ZNF804B: variants seen among roughly 807,000 people sequenced by gnomAD.
The protein encoded by ZNF804B is zinc finger 804B.
Under a neutral mutation model 101.4 loss-of-function variants are expected in ZNF804B, and 80 were observed. That is an observed-to-expected ratio of 0.79 (90% confidence interval 0.66 to 0.95). ZNF804B has a LOEUF of 0.95. ZNF804B is among the 40% of genes least tolerant of loss of function. The pLI is 0.00. For missense variants in ZNF804B, 1,673 were observed against 1,561.9 expected, an observed-to-expected ratio of 1.07 and a Z score of -1.20; for synonymous variants, 622 against 558.8, an observed-to-expected ratio of 1.11 and a Z score of -1.59.
intron 1 of ZNF804B, among the ~76,000 whole-genome samples, chr7:89,005,442 T>G (rs1788359292): frequency 6.6e-6 from 1 of 152,090 alleles, no homozygotes; most frequent in Non-Finnish European, 1.5e-5. Context: ...AATACTACTG[T>G]GTATGTAGAT....
At chr7:88,970,451 A>G (rs1248328288) in intron 1 of ZNF804B, among the ~76,000 whole-genome samples, 2 of 151,154 alleles carry the variant, frequency 1.3e-5, no homozygotes, top group Non-Finnish European at 3.0e-5. Context: ...CAAACATTTT[A>G]TAATAAGTAA....
chr7:88,845,766 T>G (rs552509735), intron 1 of ZNF804B, among the ~76,000 whole-genome samples: 23 of 152,194 alleles, frequency 1.5e-4, no homozygotes, highest in Non-Finnish European at 2.5e-4. Context: ...ACAAGAACTT[T>G]CCAGTTTGCA....
chr7:89,153,356 A>T (rs531562426), intron 1 of ZNF804B, among the ~76,000 whole-genome samples: 2 of 151,478 alleles, frequency 1.3e-5, no homozygotes, highest in Non-Finnish European at 2.9e-5. Flanking sequence ...TTCTTGTGGC[A>T]GTCAGGGACC....
intron 1 of ZNF804B, among the ~76,000 whole-genome samples, chr7:88,761,636 G>T (rs560186428): frequency 6.6e-6 from 1 of 152,176 alleles, no homozygotes; most frequent in Admixed American, 6.5e-5. Flanking sequence ...TTTCTCACAG[G>T]TATTATTTTT....
At position 88,812,023 on chromosome 7, in the gene ZNF804B, G is replaced by A. The variant is rs140035936; in HGVS notation, c.108+51939G>A. ...CATATACCATGTAATATCTTTTGTC[G>A]ATAAATTCTCATATACACTGGAAAT... is the stretch of plus-strand genomic sequence containing the variant. On this transcript the variant is annotated intron_variant, in intron 1 of 3. Transcript: ENST00000333190. 7.2e-5 allele frequency among the ~76,000 whole-genome samples: 11 copies of A among 152,118 alleles called. No individual in the cohort carries two copies. The South Asian group carries it at 2.3e-3, about 32-fold the overall frequency.
intron 1 of ZNF804B, among the ~76,000 whole-genome samples, chr7:88,809,918 C>G (rs368343144): frequency 4.6e-5 from 7 of 152,168 alleles, no homozygotes; most frequent in Admixed American, 2.0e-4. Context: ...TAGCGATGGA[C>G]CAACCTGAGA....
intron 1 of ZNF804B, among the ~76,000 whole-genome samples, chr7:88,906,121 A>G (rs1164038060): frequency 2.0e-5 from 3 of 151,466 alleles, no homozygotes; most frequent in Non-Finnish European, 4.4e-5. Flanking sequence ...GGGTTGTAAT[A>G]TTTGTCATTT....
At chr7:89,237,861 C>T (rs1421111865) in intron 2 of ZNF804B, among the ~76,000 whole-genome samples, 1 of 152,128 alleles carries the variant, frequency 6.6e-6, no homozygotes, top group Non-Finnish European at 1.5e-5. Flanking sequence ...ACAATCCAGA[C>T]AGAGAGATAA....
chr7:89,097,338 A>C (rs970882924), intron 1 of ZNF804B, among the ~76,000 whole-genome samples: 2 of 152,224 alleles, frequency 1.3e-5, no homozygotes, highest in African/African-American at 4.8e-5. Flanking sequence ...ATATACATAA[A>C]TGTGTTGGAT....
chr7:89,214,883 A>G (rs559871043), intron 1 of ZNF804B, among the ~76,000 whole-genome samples: 87 of 152,370 alleles, frequency 5.7e-4, no homozygotes, highest in Non-Finnish European at 9.4e-4. Flanking sequence ...ATGTGTGGAT[A>G]GATCGTTGGA....
intron 1 of ZNF804B, among the ~76,000 whole-genome samples, chr7:88,915,213 C>T (rs889967215): frequency 6.6e-6 from 1 of 151,996 alleles, no homozygotes; most frequent in Non-Finnish European, 1.5e-5. Context: ...AATTTTCTGA[C>T]AATAGAAACA....
intron 1 of ZNF804B, among the ~76,000 whole-genome samples, chr7:88,786,597 T>C (rs1790306451): frequency 1.3e-5 from 2 of 152,108 alleles, no homozygotes; most frequent in African/African-American, 2.4e-5. Flanking sequence ...TCCTCACTTA[T>C]ATCAGAAAAT....
chr7:89,156,527 A>G (rs1411930418), intron 1 of ZNF804B, among the ~76,000 whole-genome samples: 1 of 152,166 alleles, frequency 6.6e-6, no homozygotes, highest in African/African-American at 2.4e-5. Context: ...CAACTACAAC[A>G]TGGAAATAAT....
chr7:88,770,676 G>A (rs1790048978), intron 1 of ZNF804B, among the ~76,000 whole-genome samples: 1 of 152,158 alleles, frequency 6.6e-6, no homozygotes. Context: ...GTGAATTAAT[G>A]CCAGTCTCCT....
chr7:89,129,114 G>T (rs1790510640), intron 1 of ZNF804B, among the ~76,000 whole-genome samples: 1 of 151,936 alleles, frequency 6.6e-6, no homozygotes, highest in South Asian at 2.1e-4. Context: ...TTGATAACCT[G>T]TAAGTTGAAT....
chr7:89,179,349 T>G (rs1788260887), intron 1 of ZNF804B, among the ~76,000 whole-genome samples: 1 of 152,122 alleles, frequency 6.6e-6, no homozygotes, highest in Non-Finnish European at 1.5e-5. Context: ...TCTTTTATAT[T>G]CTTTTTTTGT....
rs377543800 is a variant in ZNF804B, at chr7:89,218,150, T to C, written c.109-5T>C. On this transcript the variant is annotated splice_region_variant and splice_polypyrimidine_tract_variant and intron_variant, in intron 1 of 3. Coordinates refer to ENST00000333190, the MANE Select transcript of ZNF804B (RefSeq NM_181646.5). ...TAACCAACATTTATGTATTTTTTCT[T>C]AAAGGATTTTGCAGAAAAGAAGTCC... 1 of 1,609,752 alleles carries C rather than the reference T, an allele frequency of 6.2e-7. No individual in the cohort carries two copies.
At chr7:88,823,452 T>C (rs574611231) in intron 1 of ZNF804B, among the ~76,000 whole-genome samples, 1 of 152,238 alleles carries the variant, frequency 6.6e-6, no homozygotes, top group Admixed American at 6.5e-5. Flanking sequence ...GTTTGACAAA[T>C]TATCTCCTGA....
intron 1 of ZNF804B, among the ~76,000 whole-genome samples, chr7:89,081,303 G>C (rs940557018): frequency 1.3e-5 from 2 of 151,706 alleles, no homozygotes; most frequent in Non-Finnish European, 2.9e-5. Flanking sequence ...TACTGAACAG[G>C]GTCAGGTGTT....
Sources: allele counts gnomAD v4.1 joint callset (sites outside exome capture counted in the v4.1 genomes callset), GRCh38; gene constraint gnomAD v4.1.1; transcripts MANE v1.5; gene names NCBI Gene and HGNC (gene_info 2026-07-23, HGNC 2026-07-21).